The following LCMT1 variants were observed in gnomAD, a reference collection of about 807,000 sequenced individuals.
The protein encoded by LCMT1 is [Phosphatase 2A protein]-leucine-carboxy methyltransferase 1.
In LCMT1, 32 loss-of-function variants were observed where a neutral mutation model predicts 47.7. That is an observed-to-expected ratio of 0.67 (90% confidence interval 0.51 to 0.90). The LOEUF is 0.90. LCMT1 is among the 40% of genes least tolerant of loss of function. The probability of loss-of-function intolerance (pLI) is 0.00; values close to 1 mark genes in which losing one functional copy is unlikely to be tolerated. For missense variants in LCMT1, 375 were observed against 415.2 expected (o/e 0.90, Z 0.84); for synonymous variants, 152 against 149.7 (o/e 1.02, Z -0.11).
chr16:25,173,975 G>A (rs1479260670), intron 9 of LCMT1, among the ~76,000 whole-genome samples: 3 of 152,172 alleles, frequency 2.0e-5, no homozygotes, highest in Admixed American at 1.3e-4. Flanking sequence ...ACAGTGGCGC[G>A]ATCTCTGCTT....
intron 1 of LCMT1, among the ~76,000 whole-genome samples, chr16:25,124,657 G>A (rs1051437588): frequency 1.3e-5 from 2 of 152,326 alleles, no homozygotes; most frequent in South Asian, 4.1e-4. Context: ...ATTCTTTGAT[G>A]CCTCAGATGA....
chr16:25,132,054 G>A (rs1427781958), intron 2 of LCMT1: 4 of 363,760 alleles, frequency 1.1e-5, no homozygotes, highest in Non-Finnish European at 2.2e-5. Flanking sequence ...AGGTTTACCC[G>A]AGTCCAGAGT....
intron 9 of LCMT1, 195 bp from the exon 10 acceptor site, chr16:25,174,742 T>G (rs1415149818): frequency 2.8e-6 from 1 of 352,634 alleles, no homozygotes; most frequent in Non-Finnish European, 5.1e-6. Context: ...ATTTGTATTT[T>G]GACTTTGTTT....
chr16:25,149,193 G>A (rs1960989255), intron 4 of LCMT1, among the ~76,000 whole-genome samples: 1 of 152,222 alleles, frequency 6.6e-6, no homozygotes, highest in African/African-American at 2.4e-5. Context: ...CTTTGAATGT[G>A]GCCCAACACA....
intron 2 of LCMT1, among the ~76,000 whole-genome samples, chr16:25,128,899 G>A (rs1396935403): frequency 2.1e-5 from 3 of 142,894 alleles, no homozygotes; most frequent in East Asian, 4.3e-4. Context: ...ACACACTGGG[G>A]CCTGTCAGGG....
chr16:25,118,529 G>T (rs1225487608), intron 1 of LCMT1, among the ~76,000 whole-genome samples: 1 of 152,154 alleles, frequency 6.6e-6, no homozygotes, highest in Non-Finnish European at 1.5e-5. Context: ...TCCTGGAGTG[G>T]GGGTGGGTAG....
chr16:25,118,458 C>T (rs1341232381), intron 1 of LCMT1, among the ~76,000 whole-genome samples: 1 of 152,162 alleles, frequency 6.6e-6, no homozygotes, highest in African/African-American at 2.4e-5. Context: ...AGGTGCTGTC[C>T]TAGACCCTGC....
intron 4 of LCMT1, among the ~76,000 whole-genome samples, chr16:25,149,910 CAA>C (rs34229848): frequency 3.3e-3 from 196 of 60,196 alleles, no homozygotes; most frequent in African/African-American, 0.012. Flanking sequence ...AAGACTGTCT[CAA>C]AAAAAAAAAA....
chr16:25,132,792 TATGTC>T (rs1050874829), intron 3 of LCMT1, among the ~76,000 whole-genome samples: 15 of 151,756 alleles, frequency 9.9e-5, no homozygotes, highest in African/African-American at 3.6e-4. Context: ...TGAGTAGAAA[TATGTC>T]AGGAGGAGAA....
chr16:25,139,383 A>C (rs1960606491), intron 3 of LCMT1, among the ~76,000 whole-genome samples: 1 of 151,926 alleles, frequency 6.6e-6, no homozygotes, highest in South Asian at 2.1e-4. Flanking sequence ...GAGGCTGGGC[A>C]CCTGTAATCC....
chr16:25,172,486 C>T (rs1348860341), intron 9 of LCMT1, among the ~76,000 whole-genome samples: 2 of 152,240 alleles, frequency 1.3e-5, no homozygotes, highest in Non-Finnish European at 2.9e-5. Context: ...ACATCACCAA[C>T]GTGCATCTGT....
chr16:25,160,271 T>C (rs900969151), intron 5 of LCMT1, among the ~76,000 whole-genome samples: 2 of 150,110 alleles, frequency 1.3e-5, no homozygotes, highest in Admixed American at 6.7e-5. Flanking sequence ...TTTCTGCTAG[T>C]GAAAGATGTA....
chr16:25,129,980 T>G (rs565261925), intron 2 of LCMT1, among the ~76,000 whole-genome samples: 1 of 152,168 alleles, frequency 6.6e-6, no homozygotes, highest in African/African-American at 2.4e-5. Flanking sequence ...CTGGTAATTC[T>G]CAGATGAGGG....
chr16:25,151,761 G>C, intron 5 of LCMT1, 146 bp downstream of exon 5: 1 of 581,660 alleles, frequency 1.7e-6, no homozygotes, highest in South Asian at 2.7e-5. Context: ...GAATGACGAG[G>C]TTCATAAATT....
intron 4 of LCMT1, among the ~76,000 whole-genome samples, chr16:25,151,037 G>C (rs567061868): frequency 1.3e-5 from 2 of 152,098 alleles, no homozygotes; most frequent in South Asian, 4.2e-4. Flanking sequence ...TGGTTGTTGG[G>C]ATATTGACGC....
At chr16:25,121,203 G>A (rs1242293607) in intron 1 of LCMT1, among the ~76,000 whole-genome samples, 2 of 151,674 alleles carry the variant, frequency 1.3e-5, no homozygotes, top group African/African-American at 4.8e-5. Context: ...CGAGGCAGGT[G>A]GATTGAGACC....
chr16:25,113,008 G>T (rs1959670455), intron 1 of LCMT1, among the ~76,000 whole-genome samples: 1 of 152,046 alleles, frequency 6.6e-6, no homozygotes, highest in African/African-American at 2.4e-5. Context: ...GGGTGTGGTG[G>T]CGGGCGCCTG....
At chr16:25,169,550 A>T in intron 8 of LCMT1, 1 of 185,320 alleles carries the variant, frequency 5.4e-6, no homozygotes. Context: ...TTCCCCCACA[A>T]TTTTTTTGTA....
Position 25,164,661 on chromosome 16 carries a change from C to T in LCMT1, c.633C>T (p.Asn211=). 1 of 1,613,984 alleles carries T rather than the reference C, an allele frequency of 6.2e-7. No homozygotes were observed. The highest frequency in any genetic ancestry group is 8.5e-7 in the Non-Finnish European group (1 of 1,179,872). The part of the protein sequence containing the change: ...LVYMTPEQSA[N]LLKWAANSFE... ...ACATGACTCCAGAGCAGTCCGCAAA[C>T]CTCCTGAAGTGGGCAGCCAACAGTT... The change falls in exon 7 of 11, where the codon AAC becomes AAT. Residue 211 remains asparagine (N), a synonymous_variant. Coordinates refer to ENST00000399069, the MANE Select transcript of LCMT1 (RefSeq NM_016309.3).
Sources: allele counts gnomAD v4.1 joint callset (sites outside exome capture counted in the v4.1 genomes callset), GRCh38; gene constraint gnomAD v4.1.1; transcripts MANE v1.5; gene names NCBI Gene and HGNC (gene_info 2026-07-23, HGNC 2026-07-21).